The following TAF3 variants were observed in gnomAD, a reference collection of about 807,000 sequenced individuals.
TAF3 encodes TATA-box binding protein associated factor 3.
In TAF3, 7 loss-of-function variants were observed where a neutral mutation model predicts 80.6. The ratio of observed to expected loss-of-function variants is 0.09; its 90% CI spans 0.05 to 0.16. The LOEUF is 0.16. Ranked by LOEUF, TAF3 falls within the 10% of genes least tolerant of loss-of-function variation. The pLI, the probability that TAF3 is intolerant of heterozygous loss-of-function variation, is 1.00. For synonymous variants in TAF3, 444 were observed against 446.1 expected, an observed-to-expected ratio of 1.00 and a Z score of 0.06; for missense variants, 921 against 1,140.2, an observed-to-expected ratio of 0.81 and a Z score of 2.77.
intron 2 of TAF3, among the ~76,000 whole-genome samples, chr10:7,939,308 C>G (rs1325725570): frequency 3.3e-5 from 5 of 152,074 alleles, no homozygotes; most frequent in Non-Finnish European, 7.4e-5. Flanking sequence ...TCCCTTTTCT[C>G]CATCAGACTC....
At chr10:7,967,384 C>G (rs1831582808) in intron 3 of TAF3, among the ~76,000 whole-genome samples, 1 of 151,928 alleles carries the variant, frequency 6.6e-6, no homozygotes, top group Non-Finnish European at 1.5e-5. Flanking sequence ...AGGTTTGTAA[C>G]AGCAGTCCCA....
chr10:7,953,010 T>C (rs1279252228), intron 2 of TAF3, among the ~76,000 whole-genome samples: 1 of 152,192 alleles, frequency 6.6e-6, no homozygotes, highest in East Asian at 1.9e-4. Context: ...CATGCCCTTC[T>C]TTTCCTTCCC....
intron 2 of TAF3, among the ~76,000 whole-genome samples, chr10:7,851,943 C>T (rs984392247): frequency 6.8e-6 from 1 of 146,766 alleles, no homozygotes; most frequent in African/African-American, 2.5e-5. Flanking sequence ...CCATGCCTGG[C>T]TTTTTTTTTT....
At chr10:7,838,618 G>A (rs1836876749) in intron 2 of TAF3, among the ~76,000 whole-genome samples, 1 of 152,144 alleles carries the variant, frequency 6.6e-6, no homozygotes, top group Non-Finnish European at 1.5e-5. Context: ...CTGACCTCAG[G>A]TGATCCACCC....
intron 2 of TAF3, among the ~76,000 whole-genome samples, chr10:7,854,905 G>A (rs557243951): frequency 1.3e-5 from 2 of 152,292 alleles, no homozygotes; most frequent in East Asian, 3.9e-4. Context: ...AGTGGTATTT[G>A]TTAAACACTT....
intron 2 of TAF3, among the ~76,000 whole-genome samples, chr10:7,942,643 CTCTTGT>C (rs1451520863): frequency 2.0e-5 from 3 of 152,250 alleles, no homozygotes; most frequent in Non-Finnish European, 4.4e-5. Flanking sequence ...ATCTCCAGCT[CTCTTGT>C]TAGGGGTTGC....
intron 2 of TAF3, among the ~76,000 whole-genome samples, chr10:7,892,268 C>T (rs1352815568): frequency 6.6e-6 from 1 of 152,158 alleles, no homozygotes; most frequent in Non-Finnish European, 1.5e-5. Context: ...GATCAATAAG[C>T]AGATTTAGCA....
intron 2 of TAF3, among the ~76,000 whole-genome samples, chr10:7,870,660 C>G (rs761454294): frequency 2.6e-5 from 4 of 152,048 alleles, no homozygotes; most frequent in Non-Finnish European, 5.9e-5. Context: ...TAGGCCTTAA[C>G]GAGCGGCAGA....
chr10:7,901,367 A>T (rs1272650303), intron 2 of TAF3, among the ~76,000 whole-genome samples: 2 of 152,248 alleles, frequency 1.3e-5, no homozygotes, highest in Non-Finnish European at 2.9e-5. Context: ...TCACTCTTTA[A>T]AATTCTTATA....
intron 2 of TAF3, among the ~76,000 whole-genome samples, chr10:7,882,449 A>G (rs1011643059): frequency 6.6e-6 from 1 of 152,228 alleles, no homozygotes; most frequent in Non-Finnish European, 1.5e-5. Flanking sequence ...CTTCAGAAGT[A>G]AGAAATGAGA....
intron 2 of TAF3, among the ~76,000 whole-genome samples, chr10:7,875,523 G>A (rs1466975973): frequency 1.3e-5 from 2 of 152,166 alleles, no homozygotes; most frequent in Non-Finnish European, 1.5e-5. Flanking sequence ...CACTGAAAAC[G>A]GATGCTGTCC....
At chr10:7,977,924 T>C (rs542989454) in intron 4 of TAF3, among the ~76,000 whole-genome samples, 1 of 152,344 alleles carries the variant, frequency 6.6e-6, no homozygotes, top group East Asian at 1.9e-4. Flanking sequence ...CCCACTCGTC[T>C]TTACAGTTAA....
chr10:7,952,997 C>T (rs545782676), intron 2 of TAF3, among the ~76,000 whole-genome samples: 20 of 152,212 alleles, frequency 1.3e-4, no homozygotes, highest in African/African-American at 3.9e-4. Context: ...TTGTTTTTGA[C>T]GCCATGCCCT....
intron 2 of TAF3, among the ~76,000 whole-genome samples, chr10:7,878,971 G>A (rs1379589325): frequency 1.3e-5 from 2 of 151,966 alleles, no homozygotes; most frequent in African/African-American, 2.4e-5. Context: ...CAAGCAATCC[G>A]CTCACCTCAG....
At chr10:7,903,428 C>T (rs1837578601) in intron 2 of TAF3, among the ~76,000 whole-genome samples, 1 of 152,162 alleles carries the variant, frequency 6.6e-6, no homozygotes, top group Non-Finnish European at 1.5e-5. Context: ...GGAAGCAACT[C>T]TTTCTCCAGG....
chr10:7,837,480 T>C (rs1474975936), intron 2 of TAF3, among the ~76,000 whole-genome samples: 2 of 151,700 alleles, frequency 1.3e-5, no homozygotes, highest in East Asian at 3.9e-4. Context: ...TCGTCTCTAC[T>C]AAAAATACAA....
intron 2 of TAF3, among the ~76,000 whole-genome samples, chr10:7,924,575 G>A (rs1194312475): frequency 2.0e-5 from 3 of 152,112 alleles, no homozygotes; most frequent in African/African-American, 7.2e-5. Flanking sequence ...TTCCTAACAC[G>A]GAACTTATTT....
intron 2 of TAF3, among the ~76,000 whole-genome samples, chr10:7,887,108 A>G (rs1239250115): frequency 6.6e-6 from 1 of 151,828 alleles, no homozygotes; most frequent in Non-Finnish European, 1.5e-5. Flanking sequence ...GGTGGCAGGC[A>G]CCTGTAGTCC....
chr10:7,942,327 A>G (rs535987122), intron 2 of TAF3, among the ~76,000 whole-genome samples: 26 of 152,368 alleles, frequency 1.7e-4, no homozygotes, highest in African/African-American at 6.3e-4. Context: ...AACATATTTT[A>G]AGCCATCTGC....
Sources: gnomAD v4.1 joint callset for allele counts (sites outside exome capture counted in the v4.1 genomes callset) on GRCh38, gnomAD v4.1.1 for gene constraint, MANE v1.5 for transcripts, NCBI Gene and HGNC (gene_info 2026-07-23, HGNC 2026-07-21) for gene names.